Variants in ARHGEF12 observed in about 807,000 individuals in gnomAD.
The protein encoded by ARHGEF12 is KMT2A/ARHGEF12 fusion protein.
Under a neutral mutation model 211.2 loss-of-function variants are expected in ARHGEF12, and 66 were observed. The ratio of observed to expected loss-of-function variants is 0.31; its 90% CI spans 0.26 to 0.38. ARHGEF12 has a LOEUF of 0.38. Ranked by LOEUF, ARHGEF12 falls within the 10% of genes least tolerant of loss-of-function variation. The pLI is 1.00. For missense variants in ARHGEF12, 1,429 were observed against 1,869.5 expected, an observed-to-expected ratio of 0.76 and a Z score of 4.34; for synonymous variants, 592 against 638.4, an observed-to-expected ratio of 0.93 and a Z score of 1.09.
chr11:120,477,071 C>T (rs527968229), intron 34 of ARHGEF12, 148 bp from the exon 35 acceptor site: 5 of 677,138 alleles, frequency 7.4e-6, no homozygotes, highest in Non-Finnish European at 2.5e-6. Context: ...TATTCTCTGG[C>T]AGAGTGGGTT....
intron 4 of ARHGEF12, among the ~76,000 whole-genome samples, chr11:120,413,443 T>A (rs190442115): frequency 6.6e-6 from 1 of 152,324 alleles, no homozygotes; most frequent in East Asian, 1.9e-4. Context: ...GAATGAATGA[T>A]TGTTGAGATT....
rs1947432678 is a variant in ARHGEF12 at position 120,487,734 on chromosome 11, T to A, written c.*2657T>A. On this transcript the variant is annotated 3_prime_UTR_variant, in exon 41 of 41. Coordinates refer to ENST00000397843, the MANE Select transcript of ARHGEF12 (RefSeq NM_015313.3). Reference sequence around the variant, plus strand: ...CTATGGAAGTGACCTGCTGTGACACTGTGCTCTCTTCTGTGGGCTTAATGG... The same window carrying A: ...CTATGGAAGTGACCTGCTGTGACACAGTGCTCTCTTCTGTGGGCTTAATGG... 1 of 221,614 alleles carries A rather than the reference T, an allele frequency of 4.5e-6. No individual in the cohort carries two copies. The allele number at this position is 221,614 out of a possible 1,614,324, so 13.7% of individuals were successfully genotyped here. A position where few individuals can be genotyped will look rare whatever the true frequency, so the allele number is the denominator to read the frequency against.
At chr11:120,341,198 C>T (rs918406054) in intron 1 of ARHGEF12, among the ~76,000 whole-genome samples, 3 of 134,778 alleles carry the variant, frequency 2.2e-5, no homozygotes, top group African/African-American at 8.7e-5. Flanking sequence ...GCTGGGATTA[C>T]AGGCACCCAC....
intron 11 of ARHGEF12, 151 bp downstream of exon 11, chr11:120,432,062 G>A: frequency 1.4e-6 from 1 of 718,454 alleles, no homozygotes; most frequent in Non-Finnish European, 2.0e-6. Flanking sequence ...CAGAAATCTG[G>A]TTACTGTTAT....
chr11:120,397,685 T>C (rs1483553963), intron 1 of ARHGEF12, among the ~76,000 whole-genome samples: 4 of 151,988 alleles, frequency 2.6e-5, no homozygotes, highest in Non-Finnish European at 5.9e-5. Context: ...AGCTCTGATA[T>C]GTGGGAAGTC....
chr11:120,388,547 T>C (rs1490095281), intron 1 of ARHGEF12, among the ~76,000 whole-genome samples: 1 of 152,242 alleles, frequency 6.6e-6, no homozygotes, highest in East Asian at 1.9e-4. Flanking sequence ...ATTGCCAGAC[T>C]GTTTTTCCAG....
intron 22 of ARHGEF12, among the ~76,000 whole-genome samples, chr11:120,452,615 G>A (rs1292746425): frequency 6.6e-6 from 1 of 152,168 alleles, no homozygotes; most frequent in South Asian, 2.1e-4. Flanking sequence ...CCAGCCAAAG[G>A]TTTAGCATTG....
rs533417890 is a variant in ARHGEF12, at chr11:120,356,374, C to A, written c.32+19099C>A. 2.6e-5 allele frequency among the ~76,000 whole-genome samples: 4 copies of A among 152,284 alleles called. No individual in the cohort carries two copies. The South Asian group carries it at 8.3e-4, about 32-fold the overall frequency. On this transcript the variant is annotated intron_variant, in intron 1 of 40. Transcript: ENST00000397843. ...TGGCTAGGATTACAGGTGTGCGCCA[C>A]CACACCTGGCTAATTTTTTTTTAAG...
chr11:120,427,270 A>G (rs1208360311), intron 7 of ARHGEF12, among the ~76,000 whole-genome samples: 2 of 152,172 alleles, frequency 1.3e-5, no homozygotes, highest in Non-Finnish European at 2.9e-5. Context: ...ACTAAAATTT[A>G]CTACTTATTA....
chr11:120,401,992 G>A (rs560014246), intron 1 of ARHGEF12, among the ~76,000 whole-genome samples: 2 of 151,972 alleles, frequency 1.3e-5, no homozygotes, highest in East Asian at 1.9e-4. Context: ...TGCTTGCTAG[G>A]CAATGCTTCT....
intron 1 of ARHGEF12, among the ~76,000 whole-genome samples, chr11:120,369,777 T>C (rs932631122): frequency 6.6e-6 from 1 of 152,252 alleles, no homozygotes; most frequent in African/African-American, 2.4e-5. Context: ...CGTCTTATAC[T>C]TGGAATATTT....
At chr11:120,445,501 C>A (rs771783082) in intron 16 of ARHGEF12, 37 bp downstream of exon 16, 1 of 1,596,582 alleles carries the variant, frequency 6.3e-7, no homozygotes. Flanking sequence ...AGAATTACAT[C>A]TTAATAGATA....
rs1439478069 is a variant in ARHGEF12, at chr11:120,486,358, C to T, written c.*1281C>T. The stretch of plus-strand genomic sequence containing the variant: ...GTCCTCTGACTTCACTGCCGCAGCT[C>T]TTTCCACACGGGGCCGTGATTGACC... On this transcript the variant is annotated 3_prime_UTR_variant, in exon 41 of 41. Coordinates refer to ENST00000397843, the MANE Select transcript of ARHGEF12 (RefSeq NM_015313.3). 8.6e-6 allele frequency: 2 copies of T among 233,100 alleles called. No homozygotes were observed. Among genetic ancestry groups the T allele is most frequent in the Non-Finnish European group, 8.5e-6 (1 of 117,776 alleles). 14.4% of individuals were successfully genotyped at this position (233,100 alleles called of 1,614,324 possible).
At chr11:120,442,769 C>G (rs1945919626) in intron 15 of ARHGEF12, among the ~76,000 whole-genome samples, 1 of 152,090 alleles carries the variant, frequency 6.6e-6, no homozygotes, top group Non-Finnish European at 1.5e-5. Flanking sequence ...TTAATGCATA[C>G]TGGATAATCA....
At chr11:120,419,116 C>T (rs1262017136) in intron 4 of ARHGEF12, among the ~76,000 whole-genome samples, 2 of 151,982 alleles carry the variant, frequency 1.3e-5, no homozygotes, top group East Asian at 1.9e-4. Context: ...CCCGCCACCA[C>T]GTTCGGCTAA....
At chr11:120,445,613 A>G (rs1050625620) in intron 16 of ARHGEF12, 149 bp downstream of exon 16, 1 of 882,376 alleles carries the variant, frequency 1.1e-6, no homozygotes, top group Non-Finnish European at 1.8e-6. Flanking sequence ...TAAAGAGTAA[A>G]TGAGGCCGGG....
chr11:120,452,961 A>G lies in ARHGEF12; in HGVS notation c.2056+1237A>G, dbSNP rs184436644. Among the ~76,000 whole-genome samples the G allele has an allele frequency of 8.4e-3, 1,246 of 149,182 alleles. 9 individuals carry two copies. Among genetic ancestry groups the G allele is most frequent in the Non-Finnish European group, 0.013 (884 of 67,020 alleles). On this transcript the variant is annotated intron_variant, in intron 22 of 40. Transcript: ENST00000397843. The stretch of plus-strand genomic sequence containing the variant: ...GTTGCAGTGAGCCAAGATCGTGCCA[A>G]TGCACTCCAGCCTGGGCAACAGAGT...
Position 120,478,343 on chromosome 11 carries a change from C to A in ARHGEF12, c.3720C>A (p.His1240Gln). The change falls in exon 37 of 41, where the codon CAC becomes CAA. Residue 1240 changes from histidine (H) to glutamine (Q), a missense_variant. Physicochemically the swap from His to Gln is conservative, Grantham distance 24 (BLOSUM62 0). Around this residue, in one of 7 missense-constraint regions of ARHGEF12, gnomAD observed 467 missense variants for 468.4 expected, o/e 1.00. Transcript: ENST00000397843. ...EDYQIAIPDS[H>Q]LPVSEERWAL... The stretch of plus-strand genomic sequence containing the variant: ...ATCAAATCGCAATCCCAGATTCACA[C>A]CTGCCTGTCTCAGAAGAACGGTGGG... 6.2e-7 allele frequency: 1 copy of A among 1,614,180 alleles called. No homozygotes were observed. The highest frequency in any genetic ancestry group is 8.5e-7 in the Non-Finnish European group (1 of 1,180,036).
Position 120,449,188 on chromosome 11 carries a change from G to C in ARHGEF12, c.1817G>C (p.Arg606Thr). 1 of 1,614,156 alleles carries C rather than the reference G, an allele frequency of 6.2e-7. No homozygotes were observed. The highest frequency in any genetic ancestry group is 8.5e-7 in the Non-Finnish European group (1 of 1,180,008). ...CCCAGCATCCTGGGACCCCCACGGA[G>C]ACCAAGCCGTCATGACAACAGTGCA... ...GFPSILGPPRRPSRHDNSAIG... is the reference protein window; with the variant it reads ...GFPSILGPPRTPSRHDNSAIG... Residue 606 changes from arginine to threonine, a missense_variant, in exon 21 of 41, where the codon AGA becomes ACA. This residue lies in a region of ARHGEF12 where 373 missense variants were observed against 467.5 expected (regional missense o/e 0.80). Transcript: ENST00000397843.
Sources: gnomAD v4.1 joint callset for allele counts (sites outside exome capture counted in the v4.1 genomes callset) on GRCh38, gnomAD v4.1.1 for gene constraint, gnomAD v4.1.1 regional missense constraint, MANE v1.5 for transcripts, NCBI Gene and HGNC (gene_info 2026-07-23, HGNC 2026-07-21) for gene names.